Variants in GLT1D1 observed in about 807,000 individuals in gnomAD.
GLT1D1 encodes glycosyltransferase 1 domain containing 1, also known as glycosyltransferase 1 domain-containing protein 1.
In GLT1D1, 21 loss-of-function variants were observed where a neutral mutation model predicts 28.7. The ratio of observed to expected loss-of-function variants is 0.73; its 90% confidence interval spans 0.52 to 1.05. GLT1D1 has a LOEUF of 1.05. Ranked by LOEUF, GLT1D1 falls within the 50% of genes least tolerant of loss-of-function variation. The pLI is 0.00. For missense variants in GLT1D1, 343 were observed against 330.6 expected (o/e 1.04, Z -0.29); for synonymous variants, 147 against 124.8 (o/e 1.18, Z -1.19).
chr12:128,879,455 TTTC>T (rs1175664504), intron 2 of GLT1D1, among the ~76,000 whole-genome samples: 2 of 128,982 alleles, frequency 1.6e-5, no homozygotes, highest in South Asian at 2.9e-4. Flanking sequence ...TCTTTCTTTC[TTTC>T]TTTTTTTTGG....
At chr12:128,861,076 G>A (rs1305168498) in intron 1 of GLT1D1, among the ~76,000 whole-genome samples, 1 of 111,952 alleles carries the variant, frequency 8.9e-6, no homozygotes, top group Non-Finnish European at 2.2e-5. Flanking sequence ...TTGTTTCAAA[G>A]GGTGCCCCCC....
At chr12:128,943,329 A>T (rs1414812987) in intron 4 of GLT1D1, among the ~76,000 whole-genome samples, 1 of 150,820 alleles carries the variant, frequency 6.6e-6, no homozygotes, top group Non-Finnish European at 1.5e-5. Context: ...TTATTTACAT[A>T]GTGCCACAGG....
chr12:128,936,720 C>T (rs1364190305), intron 4 of GLT1D1, among the ~76,000 whole-genome samples: 1 of 152,036 alleles, frequency 6.6e-6, no homozygotes. Context: ...CTTCTTATAT[C>T]GAAGATTACT....
chr12:128,901,525 C>G (rs1337290426), intron 4 of GLT1D1, among the ~76,000 whole-genome samples: 2 of 151,694 alleles, frequency 1.3e-5, no homozygotes, highest in African/African-American at 4.8e-5. Flanking sequence ...CAACCTCTGC[C>G]TCCCGGTTTC....
intron 7 of GLT1D1, among the ~76,000 whole-genome samples, chr12:128,973,874 C>T (rs551870700): frequency 6.5e-5 from 9 of 139,346 alleles, no homozygotes; most frequent in Non-Finnish European, 1.1e-4. Flanking sequence ...CCAGGTTTCC[C>T]GTGTGTGTGT....
At chr12:128,853,689 G>C in intron 1 of GLT1D1, 40 bp downstream of exon 1, 1 of 1,060,006 alleles carries the variant, frequency 9.4e-7, no homozygotes, top group Non-Finnish European at 1.1e-6. Flanking sequence ...CCTGGGCCGG[G>C]GGCCGGGGGG....
chr12:128,913,804 A>G (rs977209408), intron 4 of GLT1D1, among the ~76,000 whole-genome samples: 13 of 152,246 alleles, frequency 8.5e-5, no homozygotes, highest in African/African-American at 2.9e-4. Context: ...GTTTGAACAC[A>G]GCGTCTACCA....
At chr12:128,982,850 C>G (rs1880472137) in intron 7 of GLT1D1, 79 bp from the exon 12 acceptor site, 3 of 1,354,778 alleles carry the variant, frequency 2.2e-6, no homozygotes, top group Middle Eastern at 3.6e-4. Flanking sequence ...GCAGCCAATG[C>G]AGACACAGGA....
intron 6 of GLT1D1, among the ~76,000 whole-genome samples, chr12:128,952,442 GGT>G (rs1555218572): frequency 7.8e-6 from 1 of 128,466 alleles, no homozygotes; most frequent in African/African-American, 3.1e-5. Context: ...GGTGGGGGGG[GGT>G]GGGGCTGAAA....
At chr12:128,939,503 C>G (rs1315947376) in intron 4 of GLT1D1, among the ~76,000 whole-genome samples, 1 of 151,990 alleles carries the variant, frequency 6.6e-6, no homozygotes, top group Non-Finnish European at 1.5e-5. Flanking sequence ...AGGAGGATCA[C>G]TTGAGCCCAG....
chr12:128,858,670 C>CAA (rs139166927), intron 1 of GLT1D1, among the ~76,000 whole-genome samples: 7 of 113,782 alleles, frequency 6.2e-5, no homozygotes, highest in East Asian at 5.1e-4. Flanking sequence ...GACTCAGTCT[C>CAA]AAAAAAAAAA....
chr12:128,952,101 C>A (rs1876750992), intron 6 of GLT1D1, among the ~76,000 whole-genome samples: 1 of 152,072 alleles, frequency 6.6e-6, no homozygotes, highest in Non-Finnish European at 1.5e-5. Context: ...CCGCAGCGGA[C>A]AGACGCTAAA....
intron 4 of GLT1D1, among the ~76,000 whole-genome samples, chr12:128,919,810 T>A (rs1383648373): frequency 6.6e-6 from 1 of 152,252 alleles, no homozygotes; most frequent in African/African-American, 2.4e-5. Context: ...TAAATTTCAA[T>A]AACCAACACA....
At chr12:128,905,061 G>A (rs1870707373) in intron 4 of GLT1D1, among the ~76,000 whole-genome samples, 2 of 144,790 alleles carry the variant, frequency 1.4e-5, no homozygotes, top group South Asian at 2.3e-4. Context: ...GAGCCACCGC[G>A]CCTGGCCCAT....
intron 6 of GLT1D1, among the ~76,000 whole-genome samples, chr12:128,951,005 C>T (rs1263379346): frequency 2.0e-5 from 3 of 152,194 alleles, no homozygotes; most frequent in Non-Finnish European, 4.4e-5. Flanking sequence ...TTGAAAATTG[C>T]TAAGAGTAGA....
At chr12:128,970,029 G>T (rs1349947229) in intron 7 of GLT1D1, among the ~76,000 whole-genome samples, 1 of 152,222 alleles carries the variant, frequency 6.6e-6, no homozygotes, top group Non-Finnish European at 1.5e-5. Context: ...GACAAATGCA[G>T]TCCCCAGTCA....
At chr12:128,891,362 C>A (rs970491816) in intron 3 of GLT1D1, among the ~76,000 whole-genome samples, 3 of 152,148 alleles carry the variant, frequency 2.0e-5, no homozygotes, top group African/African-American at 7.2e-5. Context: ...TCACTGGCTG[C>A]TGGTGTTAGA....
At chr12:128,887,432 T>C (rs1868520895) in intron 2 of GLT1D1, among the ~76,000 whole-genome samples, 1 of 152,072 alleles carries the variant, frequency 6.6e-6, no homozygotes, top group Non-Finnish European at 1.5e-5. Flanking sequence ...GCTTTTGTTT[T>C]TGTGCAAGCA....
intron 4 of GLT1D1, among the ~76,000 whole-genome samples, 156 bp downstream of exon 6, chr12:128,915,145 T>C (rs1299033898): frequency 2.0e-5 from 3 of 152,164 alleles, no homozygotes; most frequent in Admixed American, 1.3e-4. Context: ...GTTTTATCCT[T>C]TTGAGGAACA....
Sources: allele counts gnomAD v4.1 joint callset (sites outside exome capture counted in the v4.1 genomes callset), GRCh38; gene constraint gnomAD v4.1.1; transcripts MANE v1.5; gene names NCBI Gene and HGNC (gene_info 2026-07-23, HGNC 2026-07-21).